Variants in BCAS3 observed in about 807,000 individuals in gnomAD.
BCAS3 encodes the protein BCAS4/BCAS3 fusion.
In BCAS3, 53 loss-of-function variants were observed where a neutral mutation model predicts 116.1. The ratio of observed to expected loss-of-function variants is 0.46; its 90% CI spans 0.37 to 0.57. The LOEUF is 0.57. Among genes scored for constraint, BCAS3 ranks in the 20% least tolerant of loss-of-function variants. The probability of loss-of-function intolerance (pLI) is 0.00; values close to 1 mark genes in which losing one functional copy is unlikely to be tolerated. For missense variants in BCAS3, 917 were observed against 1,165.4 expected, an observed-to-expected ratio of 0.79 and a Z score of 3.10; for synonymous variants, 391 against 408.2, an observed-to-expected ratio of 0.96 and a Z score of 0.51.
rs2056965476 is a variant in BCAS3 at position 60,889,240 on chromosome 17, A to C, written c.662-455A>C. 2.6e-5 allele frequency among the ~76,000 whole-genome samples: 4 copies of C among 152,178 alleles called. No individual in the cohort carries two copies. The South Asian group carries it at 6.2e-4, about 24-fold the overall frequency. Reference sequence around the variant, plus strand: ...GTCTTCATTGGCCTCAGTGAGGTCAAATACTTGTTCTTTTTCTCTCCTCAT... The same window carrying C: ...GTCTTCATTGGCCTCAGTGAGGTCACATACTTGTTCTTTTTCTCTCCTCAT... On this transcript the variant is annotated intron_variant, in intron 9 of 23. Transcript: ENST00000407086.
At chr17:60,926,433 A>G (rs1480512028) in intron 13 of BCAS3, among the ~76,000 whole-genome samples, 1 of 152,102 alleles carries the variant, frequency 6.6e-6, no homozygotes, top group Admixed American at 6.5e-5. Flanking sequence ...TTATATAGAG[A>G]TATTATTTTA....
chr17:60,780,732 TG>T, intron 6 of BCAS3, among the ~76,000 whole-genome samples: 1 of 152,224 alleles, frequency 6.6e-6, no homozygotes, highest in East Asian at 1.9e-4. Context: ...ATCTAAGCTG[TG>T]TTGCAGAGCT....
At chr17:60,740,876 C>T (rs1050984746) in intron 5 of BCAS3, among the ~76,000 whole-genome samples, 3 of 152,132 alleles carry the variant, frequency 2.0e-5, no homozygotes, top group Non-Finnish European at 4.4e-5. Context: ...CATTTTCACA[C>T]CCACTGCCAG....
intron 9 of BCAS3, among the ~76,000 whole-genome samples, chr17:60,878,538 A>C (rs552313702): frequency 1.1e-3 from 173 of 152,314 alleles, no homozygotes; most frequent in African/African-American, 3.9e-3. Flanking sequence ...ACTTAATATG[A>C]AAAAGTTCAG....
At chr17:61,280,709 T>A (rs1489897888) in intron 22 of BCAS3, among the ~76,000 whole-genome samples, 1 of 152,234 alleles carries the variant, frequency 6.6e-6, no homozygotes, top group Non-Finnish European at 1.5e-5. Flanking sequence ...TTGTTGTGTG[T>A]GTGTTCAGCA....
At chr17:60,762,582 T>C (rs2144359811) in intron 6 of BCAS3, among the ~76,000 whole-genome samples, 1 of 152,342 alleles carries the variant, frequency 6.6e-6, no homozygotes. Context: ...ACCAGTACTA[T>C]GCTGTTTTGA....
At chr17:61,074,696 T>C (rs2071786141) in intron 19 of BCAS3, among the ~76,000 whole-genome samples, 1 of 152,234 alleles carries the variant, frequency 6.6e-6, no homozygotes, top group African/African-American at 2.4e-5. Context: ...ATTTCTTTTA[T>C]TGCAAGAAGA....
In BCAS3 at chr17:61,052,032, G is replaced by A. The variant is rs571074998; in HGVS notation, c.2029+11140G>A. Among the ~76,000 whole-genome samples the A allele has an allele frequency of 3.9e-5, 6 of 152,078 alleles. 1 individual carries two copies. In the South Asian group the frequency reaches 1.2e-3, roughly 32 times the overall value. ...TAGAGAAAAAGCAATGAACTATGGT[G>A]TGCTTTTCTTCTGCTTGGGGTTTAT... is the stretch of plus-strand genomic sequence containing the variant. On this transcript the variant is annotated intron_variant, in intron 19 of 23. Coordinates refer to ENST00000407086, the MANE Select transcript of BCAS3 (RefSeq NM_017679.5).
At chr17:60,767,727 G>A (rs1438614244) in intron 6 of BCAS3, among the ~76,000 whole-genome samples, 1 of 152,070 alleles carries the variant, frequency 6.6e-6, no homozygotes, top group Non-Finnish European at 1.5e-5. Context: ...GCTTTTTCAT[G>A]TGTCCAGTGT....
chr17:61,297,860 T>A (rs1365838303), intron 22 of BCAS3, among the ~76,000 whole-genome samples: 1 of 152,238 alleles, frequency 6.6e-6, no homozygotes, highest in Non-Finnish European at 1.5e-5. Context: ...TATAGCCAAG[T>A]ATTTTTCTTT....
chr17:61,034,550 C>T lies in BCAS3; in HGVS notation c.1638-116C>T. 1 of 888,678 alleles carries T rather than the reference C, an allele frequency of 1.1e-6. No individual in the cohort carries two copies. Among genetic ancestry groups the T allele is most frequent in the Non-Finnish European group, 1.7e-6 (1 of 606,018 alleles). 55.0% of individuals were successfully genotyped at this position (888,678 alleles called of 1,614,324 possible). A position where few individuals can be genotyped will look rare whatever the true frequency, so the allele number is the denominator to read the frequency against. On this transcript the variant is annotated intron_variant, in intron 16 of 23. Coordinates refer to ENST00000407086, the MANE Select transcript of BCAS3 (RefSeq NM_017679.5). This position sits in a 1 kb window ranked among gnomAD's most constrained non-coding sequence, Gnocchi z 5.0. Reference sequence around the variant, plus strand: ...ACCATTTATTACTTAAGGCAAAATGCATGTTCATACTGGAGGATTTGAATA... The same window carrying T: ...ACCATTTATTACTTAAGGCAAAATGTATGTTCATACTGGAGGATTTGAATA...
intron 22 of BCAS3, among the ~76,000 whole-genome samples, chr17:61,317,664 A>T (rs2054860651): frequency 6.6e-6 from 1 of 152,220 alleles, no homozygotes; most frequent in African/African-American, 2.4e-5. Context: ...ATTCAGCGAG[A>T]CAAGACCGAT....
intron 14 of BCAS3, among the ~76,000 whole-genome samples, chr17:60,963,860 C>T (rs2061532776): frequency 6.6e-6 from 1 of 152,126 alleles, no homozygotes; most frequent in South Asian, 2.1e-4. Context: ...CGGCCAAATG[C>T]TACTGGTTTT....
At chr17:61,308,895 T>A (rs1432570511) in intron 22 of BCAS3, among the ~76,000 whole-genome samples, 1 of 152,178 alleles carries the variant, frequency 6.6e-6, no homozygotes, top group Non-Finnish European at 1.5e-5. Context: ...TTCAGCTACT[T>A]TTTTATGCAC....
chr17:61,152,467 C>T (rs1254209698), intron 22 of BCAS3, among the ~76,000 whole-genome samples: 1 of 152,092 alleles, frequency 6.6e-6, no homozygotes, highest in Non-Finnish European at 1.5e-5. Flanking sequence ...CTCCAAGTCC[C>T]CACTCGACCC....
At chr17:61,091,245 A>G (rs1265913197) in intron 22 of BCAS3, among the ~76,000 whole-genome samples, 2 of 152,172 alleles carry the variant, frequency 1.3e-5, no homozygotes, top group East Asian at 1.9e-4. Flanking sequence ...AATTGATGCA[A>G]TACTTCTCAC....
intron 14 of BCAS3, among the ~76,000 whole-genome samples, chr17:60,976,224 C>T (rs925416170): frequency 1.3e-5 from 2 of 150,882 alleles, no homozygotes; most frequent in Non-Finnish European, 3.0e-5. Context: ...TCGGGTTTCA[C>T]CGTGTTAGCC....
In BCAS3 at chr17:61,354,578, G is replaced by A. The variant is rs2058044547; in HGVS notation, c.2426-13749G>A. On this transcript the variant is annotated intron_variant, in intron 22 of 23. Transcript: ENST00000407086. The surrounding 1 kb of genome is among the most constrained non-coding windows in gnomAD (Gnocchi z 4.5). ...TCTCAGGCCAAGTCTTTGTTGAACA[G>A]CTTCAGTGCAAGGACCTGGGAAGTC... 6.6e-6 allele frequency: 1 copy of A among 152,232 alleles called. No individual in the cohort carries two copies. Among genetic ancestry groups the A allele is most frequent in the Admixed American group, 6.5e-5 (1 of 15,290 alleles). 9.4% of individuals were successfully genotyped at this position (152,232 alleles called of 1,614,324 possible). A position where few individuals can be genotyped will look rare whatever the true frequency, so the allele number is the denominator to read the frequency against.
At chr17:61,320,827 A>C (rs1450062195) in intron 22 of BCAS3, among the ~76,000 whole-genome samples, 2 of 152,172 alleles carry the variant, frequency 1.3e-5, no homozygotes, top group Non-Finnish European at 2.9e-5. Flanking sequence ...ATATATTCTT[A>C]AGTAGTGTAG....
Sources: gnomAD v4.1 joint callset for allele counts (sites outside exome capture counted in the v4.1 genomes callset) on GRCh38, gnomAD v4.1.1 for gene constraint, Gnocchi (gnomAD v3.1) non-coding constraint, MANE v1.5 for transcripts, NCBI Gene and HGNC (gene_info 2026-07-23, HGNC 2026-07-21) for gene names.